Variants in SLC25A21 observed in about 807,000 individuals in gnomAD.
The protein encoded by SLC25A21 is solute carrier family 25 member 21, also known as mitochondrial 2-oxodicarboxylate carrier.
SLC25A21 carries 47 observed loss-of-function variants against 43.8 expected under a neutral mutation model. That is an observed-to-expected ratio of 1.07 (90% CI 0.85 to 1.37). The LOEUF is 1.37. Ranked by LOEUF, SLC25A21 falls within the 40% of genes most tolerant of loss-of-function variation. The pLI, the probability that SLC25A21 is intolerant of heterozygous loss-of-function variation, is 0.00. For synonymous variants in SLC25A21, 131 were observed against 121.3 expected (o/e 1.08, Z -0.52); for missense variants, 352 against 350.2 (o/e 1.00, Z -0.04).
chr14:36,909,250 C>T (rs769425204), intron 1 of SLC25A21, among the ~76,000 whole-genome samples: 16 of 152,102 alleles, frequency 1.1e-4, no homozygotes, highest in African/African-American at 1.4e-4. Context: ...TGGGATGATA[C>T]GCAGTTAGAA....
intron 1 of SLC25A21, among the ~76,000 whole-genome samples, chr14:37,027,427 A>G (rs1961116448): frequency 6.6e-6 from 1 of 152,186 alleles, no homozygotes; most frequent in South Asian, 2.1e-4. Context: ...TCAGAAGACT[A>G]TTCTTATAAT....
At chr14:36,971,698 C>T (rs1959753587) in intron 1 of SLC25A21, among the ~76,000 whole-genome samples, 1 of 152,052 alleles carries the variant, frequency 6.6e-6, no homozygotes, top group Non-Finnish European at 1.5e-5. Context: ...CTTAACCCAC[C>T]CACATGTGTC....
At chr14:36,833,324 C>A (rs1306089185) in intron 2 of SLC25A21, among the ~76,000 whole-genome samples, 1 of 152,162 alleles carries the variant, frequency 6.6e-6, no homozygotes, top group Non-Finnish European at 1.5e-5. Flanking sequence ...AAGGCAGCTT[C>A]TGGGGCAGTG....
At chr14:37,141,051 C>T (rs1393604347) in intron 1 of SLC25A21, among the ~76,000 whole-genome samples, 2 of 152,064 alleles carry the variant, frequency 1.3e-5, no homozygotes, top group African/African-American at 4.8e-5. Context: ...GAGACTGAGT[C>T]AGGAGAATCA....
In SLC25A21 at chr14:36,680,637, G is replaced by A. The variant is rs1344331493; in HGVS notation, c.*21C>T. ...TAGCAAATATCCATTATCTCAAGGG[G>A]GAAAAACACTTCATAGGCAATCACC... On this transcript the variant is annotated 3_prime_UTR_variant, in exon 10 of 10. Coordinates refer to ENST00000331299, the MANE Select transcript of SLC25A21 (RefSeq NM_030631.4). 6.2e-7 allele frequency: 1 copy of A among 1,609,816 alleles called. No individual in the cohort carries two copies. Among genetic ancestry groups the A allele is most frequent in the Non-Finnish European group, 8.5e-7 (1 of 1,177,998 alleles).
At chr14:37,072,054 C>G (rs1290904770) in intron 1 of SLC25A21, among the ~76,000 whole-genome samples, 1 of 151,728 alleles carries the variant, frequency 6.6e-6, no homozygotes, top group African/African-American at 2.4e-5. Flanking sequence ...TGGTGGCAGG[C>G]ACCTGTAATC....
In SLC25A21 at chr14:37,137,627, A is replaced by C. The variant is rs551231471; in HGVS notation, c.70+34654T>G. On this transcript the variant is annotated intron_variant, in intron 1 of 9. Transcript: ENST00000331299. ...TGTGCCAGCTGCCTGACTTTTATAC[A>C]TTACTACATTGTAGGATCATGAGTA... is the stretch of plus-strand genomic sequence containing the variant. Among the ~76,000 whole-genome samples, 11 of 152,316 alleles carry C rather than the reference A, an allele frequency of 7.2e-5. No homozygotes were observed. The East Asian group carries it at 1.9e-3, about 27-fold the overall frequency.
chr14:36,921,306 T>G (rs977916951), intron 1 of SLC25A21, among the ~76,000 whole-genome samples: 34 of 152,144 alleles, frequency 2.2e-4, no homozygotes, highest in African/African-American at 7.7e-4. Flanking sequence ...AGTAGTACCA[T>G]AGTTCATTTG....
rs1889181064 is a variant in SLC25A21, at chr14:36,835,569, C to T, written c.120-21568G>A. On this transcript the variant is annotated intron_variant, in intron 2 of 9. Coordinates refer to ENST00000331299, the MANE Select transcript of SLC25A21 (RefSeq NM_030631.4). ...GCCAAAAGGTAAGGAAGTCTTAACA[C>T]AAACGTTTAGCCCACAGAAGAGGCA... Among the ~76,000 whole-genome samples, 3 of 152,154 alleles carry T rather than the reference C, an allele frequency of 2.0e-5. No homozygotes were observed. The South Asian group carries it at 6.2e-4, about 31-fold the overall frequency.
At chr14:36,763,299 A>C (rs114521053) in intron 3 of SLC25A21, among the ~76,000 whole-genome samples, 4,431 of 152,320 alleles carry the variant, frequency 0.029, 221 homozygotes, top group African/African-American at 0.1. Context: ...TCACTCATTA[A>C]ATCATTCTCT....
intron 1 of SLC25A21, among the ~76,000 whole-genome samples, chr14:36,897,388 A>G (rs1442917511): frequency 2.0e-5 from 3 of 152,192 alleles, no homozygotes; most frequent in Admixed American, 2.0e-4. Flanking sequence ...CAGCTCCATC[A>G]GGTCCTTTAA....
chr14:36,953,980 T>C (rs932127148), intron 1 of SLC25A21, among the ~76,000 whole-genome samples: 2 of 152,182 alleles, frequency 1.3e-5, no homozygotes, highest in African/African-American at 4.8e-5. Context: ...TTCAATAACA[T>C]TCTGACTTTA....
At chr14:36,734,720 T>G (rs1884964503) in intron 3 of SLC25A21, 147 bp from the exon 4 acceptor site, 1 of 638,268 alleles carries the variant, frequency 1.6e-6, no homozygotes. Flanking sequence ...AATAAAGAAA[T>G]AAATTTTATG....
chr14:36,962,299 A>G (rs1471241048), intron 1 of SLC25A21, among the ~76,000 whole-genome samples: 1 of 152,200 alleles, frequency 6.6e-6, no homozygotes, highest in Admixed American at 6.5e-5. Flanking sequence ...ATTAACATCT[A>G]TCATCACACA....
chr14:36,817,354 C>T (rs1011896832), intron 2 of SLC25A21, among the ~76,000 whole-genome samples: 1 of 152,154 alleles, frequency 6.6e-6, no homozygotes, highest in East Asian at 1.9e-4. Flanking sequence ...AGGATCTGAG[C>T]TGACTCCTCC....
At chr14:36,912,195 G>A (rs1256976366) in intron 1 of SLC25A21, among the ~76,000 whole-genome samples, 1 of 152,166 alleles carries the variant, frequency 6.6e-6, no homozygotes, top group African/African-American at 2.4e-5. Context: ...TGGCAATGAT[G>A]TTCACTCATT....
At chr14:37,154,058 A>G (rs972841272) in intron 1 of SLC25A21, among the ~76,000 whole-genome samples, 2 of 152,290 alleles carry the variant, frequency 1.3e-5, no homozygotes, top group East Asian at 3.9e-4. Context: ...CAAGCCACCT[A>G]GAGGCCCAAA....
At chr14:37,148,889 T>G (rs536927894) in intron 1 of SLC25A21, among the ~76,000 whole-genome samples, 1 of 152,344 alleles carries the variant, frequency 6.6e-6, no homozygotes, top group Admixed American at 6.5e-5. Flanking sequence ...CTACATATTA[T>G]GTAAGCATAC....
At chr14:36,877,517 C>T (rs1371214323) in intron 1 of SLC25A21, among the ~76,000 whole-genome samples, 1 of 152,092 alleles carries the variant, frequency 6.6e-6, no homozygotes, top group Non-Finnish European at 1.5e-5. Flanking sequence ...TGGTTGCCCT[C>T]TATGTGTCTG....
Sources: allele counts gnomAD v4.1 joint callset (sites outside exome capture counted in the v4.1 genomes callset), GRCh38; gene constraint gnomAD v4.1.1; transcripts MANE v1.5; gene names NCBI Gene and HGNC (gene_info 2026-07-23, HGNC 2026-07-21).